The following SLC22A16 variants were observed in gnomAD, a reference collection of about 807,000 sequenced individuals.
SLC22A16 encodes the protein solute carrier family 22 member 16, also known as WUGSC:RG331P03.1.
Under a neutral mutation model 52.9 loss-of-function variants are expected in SLC22A16, and 53 were observed. The observed-to-expected ratio is 1.00, with a 90% CI of 0.80 to 1.26. The LOEUF is 1.26. Ranked by LOEUF, SLC22A16 falls within the 50% of genes most tolerant of loss-of-function variation. The pLI, the probability that SLC22A16 is intolerant of heterozygous loss-of-function variation, is 0.00. For missense variants in SLC22A16, 726 were observed against 704.0 expected (o/e 1.03, Z -0.35); for synonymous variants, 291 against 268.8 (o/e 1.08, Z -0.81).
intron 1 of SLC22A16, among the ~76,000 whole-genome samples, chr6:110,460,115 A>C (rs1053259156): frequency 6.6e-6 from 1 of 152,198 alleles, no homozygotes. Context: ...AAATTGCACC[A>C]TTGACACATG....
Position 110,456,588 on chromosome 6 carries a change from A to G in SLC22A16, c.483T>C (p.Phe161=). The stretch of plus-strand genomic sequence containing the variant: ...CCGATCCCAGTAGGACTCCAAACAT[A>G]AATAGGGGCTGGATCAGCATTGCAA... ...KWLAMLIQPL[F]MFGVLLGSVT... Residue 161 remains phenylalanine (F), a synonymous_variant, in exon 2 of 8, where the codon TTT becomes TTC. Transcript: ENST00000368919. 1 of 1,614,186 alleles carries G rather than the reference A, an allele frequency of 6.2e-7. No individual in the cohort carries two copies. Among genetic ancestry groups the G allele is most frequent in the Non-Finnish European group, 8.5e-7 (1 of 1,180,016 alleles).
chr6:110,472,969 A>G (rs1269769242), intron 1 of SLC22A16, among the ~76,000 whole-genome samples: 2 of 152,156 alleles, frequency 1.3e-5, no homozygotes, highest in Non-Finnish European at 2.9e-5. Flanking sequence ...CATGGCTAAG[A>G]GCATGGACTC....
At chr6:110,447,783 C>A (rs572382961) in intron 2 of SLC22A16, among the ~76,000 whole-genome samples, 1 of 152,310 alleles carries the variant, frequency 6.6e-6, no homozygotes, top group East Asian at 1.9e-4. Flanking sequence ...TGTCTGACTT[C>A]TTTTCCCTAG....
chr6:110,449,945 CT>C (rs1391178628), intron 2 of SLC22A16, among the ~76,000 whole-genome samples: 62 of 152,344 alleles, frequency 4.1e-4, no homozygotes, highest in African/African-American at 1.5e-3. Flanking sequence ...TTCTGCCACA[CT>C]GACTTTCCCA....
At chr6:110,454,963 A>G (rs1463692745) in intron 2 of SLC22A16, among the ~76,000 whole-genome samples, 2 of 101,288 alleles carry the variant, frequency 2.0e-5, no homozygotes, top group African/African-American at 7.7e-5. Context: ...TATATTATAT[A>G]TTACATGTAC....
rs578216800 is a variant in SLC22A16 at position 110,455,889 on chromosome 6, C to G, written c.533+649G>C. On this transcript the variant is annotated intron_variant, in intron 2 of 7. Transcript: ENST00000368919. ...CATTTATCCCATCCAAAGGATGCAGCAATAAGGCACCATCTTGAAAGCAAA... is the reference window on the plus strand; with the variant it reads ...CATTTATCCCATCCAAAGGATGCAGGAATAAGGCACCATCTTGAAAGCAAA... 8.4e-4 allele frequency: 128 copies of G among 152,480 alleles called. 2 individuals are homozygous for G. The South Asian group carries it at 0.025, about 30-fold the overall frequency. 9.4% of individuals were successfully genotyped at this position (152,480 alleles called of 1,614,324 possible).
chr6:110,431,824 C>CA (rs1218638922), intron 6 of SLC22A16, among the ~76,000 whole-genome samples: 2 of 152,082 alleles, frequency 1.3e-5, no homozygotes, highest in Admixed American at 1.3e-4. Flanking sequence ...CAATTCATGA[C>CA]AAAAAAGAGG....
At chr6:110,425,322 G>T (rs1299314751) in intron 7 of SLC22A16, 2 of 1,471,748 alleles carry the variant, frequency 1.4e-6, no homozygotes, top group East Asian at 5.9e-5. Context: ...CCACCATGGA[G>T]TGCCTCCTTA....
In SLC22A16 at chr6:110,442,257, G is replaced by A. The variant is rs758041850; in HGVS notation, c.1170C>T (p.Asn390=). 6.2e-7 allele frequency: 1 copy of A among 1,613,944 alleles called. No homozygotes were observed. The highest frequency in any genetic ancestry group is 8.5e-7 in the Non-Finnish European group (1 of 1,179,930). The change falls in exon 4 of 8, where the codon AAC becomes AAT. Residue 390 remains asparagine, a synonymous_variant. Coordinates refer to ENST00000368919, the MANE Select transcript of SLC22A16 (RefSeq NM_033125.4). Reference sequence around the variant, plus strand: ...GTAACTACTTACCCAGGAGGAAGAGGTTTAAGTATTCATTGCCTCCTAAGT... The same window carrying A: ...GTAACTACTTACCCAGGAGGAAGAGATTTAAGTATTCATTGCCTCCTAAGT... ...SVNLGGNEYL[N]LFLLGVVEIP... is the part of the protein sequence containing the mutation.
intron 6 of SLC22A16, among the ~76,000 whole-genome samples, chr6:110,435,274 A>G (rs1774677445): frequency 6.6e-6 from 1 of 152,188 alleles, no homozygotes; most frequent in Non-Finnish European, 1.5e-5. Flanking sequence ...TGTTAGGGTG[A>G]GGCCGTAATC....
chr6:110,472,288 C>T (rs1776286527), intron 1 of SLC22A16, among the ~76,000 whole-genome samples: 1 of 152,150 alleles, frequency 6.6e-6, no homozygotes, highest in Non-Finnish European at 1.5e-5. Flanking sequence ...CTGTCTGGTT[C>T]TCCCTGCCCA....
At chr6:110,448,976 C>T (rs1259981756) in intron 2 of SLC22A16, among the ~76,000 whole-genome samples, 1 of 152,092 alleles carries the variant, frequency 6.6e-6, no homozygotes, top group Non-Finnish European at 1.5e-5. Flanking sequence ...GTTTAGTCTC[C>T]TCCAACCAAA....
At position 110,424,781 on chromosome 6, in the gene SLC22A16, A is replaced by G; in HGVS notation, c.*92T>C. ...ACAAAATTTATTAAAAAGACATACA[A>G]ACAACATATGGGAGATGAGAATAAG... is the stretch of plus-strand genomic sequence containing the variant. On this transcript the variant is annotated 3_prime_UTR_variant, in exon 8 of 8. Transcript: ENST00000368919. 7.2e-7 allele frequency: 1 copy of G among 1,383,460 alleles called. No individual in the cohort carries two copies. The highest frequency in any genetic ancestry group is 9.9e-7 in the Non-Finnish European group (1 of 1,014,054). 85.7% of individuals were successfully genotyped at this position (1,383,460 alleles called of 1,614,324 possible).
At position 110,442,498 on chromosome 6, in the gene SLC22A16, A is replaced by T. The variant is rs755140484; in HGVS notation, c.929T>A (p.Ile310Asn). The T allele has an allele frequency of 3.1e-6, 5 of 1,614,084 alleles. No individual in the cohort carries two copies. Among genetic ancestry groups the T allele is most frequent in the Admixed American group, 1.7e-5 (1 of 60,008 alleles). Residue 310 changes from isoleucine to asparagine, a missense_variant, in exon 4 of 8, where the codon ATC (isoleucine) becomes AAC (asparagine). By Grantham distance (149) the Ile-to-Asn change is moderately radical. Coordinates refer to ENST00000368919, the MANE Select transcript of SLC22A16 (RefSeq NM_033125.4). ...RYEEAQKIVD[I>N]MAKWNRASSC... Reference sequence around the variant, plus strand: ...GCTTGCCCTGTTCCACTTGGCCATGATGTCAACTATTTTTTGTGCTTCTTC... The same window carrying T: ...GCTTGCCCTGTTCCACTTGGCCATGTTGTCAACTATTTTTTGTGCTTCTTC...
intron 3 of SLC22A16, 25 bp from the exon 4 acceptor site, chr6:110,442,800 A>C: frequency 6.3e-7 from 1 of 1,596,576 alleles, no homozygotes; most frequent in Non-Finnish European, 8.5e-7. Flanking sequence ...ATAGGGATTT[A>C]TATTCAAGGT....
intron 3 of SLC22A16, among the ~76,000 whole-genome samples, chr6:110,444,613 T>G (rs1477765945): frequency 6.6e-6 from 1 of 152,180 alleles, no homozygotes; most frequent in Non-Finnish European, 1.5e-5. Flanking sequence ...AATTTCTCCT[T>G]GCATTGGACA....
In SLC22A16 at chr6:110,424,943, A is replaced by C. The variant is rs79354666; in HGVS notation, c.1664T>G (p.Leu555Arg). The change falls in exon 8 of 8, where the codon CTC (leucine) becomes CGC (arginine). Residue 555 changes from leucine to arginine, a missense_variant. By Grantham distance (102) the Leu-to-Arg change is moderately radical. Coordinates refer to ENST00000368919, the MANE Select transcript of SLC22A16 (RefSeq NM_033125.4). ...ENESKSSKLLLTTNNSGLEKT... is the reference protein window; with the variant it reads ...ENESKSSKLLRTTNNSGLEKT... Reference sequence around the variant, plus strand: ...TTCCAGCCCACTATTATTAGTTGTGAGAAGTAATTTGCTTGACTTGCTTTC... The same window carrying C: ...TTCCAGCCCACTATTATTAGTTGTGCGAAGTAATTTGCTTGACTTGCTTTC... 1 of 1,614,122 alleles carries C rather than the reference A, an allele frequency of 6.2e-7. No individual in the cohort carries two copies. The highest frequency in any genetic ancestry group is 8.5e-7 in the Non-Finnish European group (1 of 1,180,028).
chr6:110,446,690 C>G (rs1468184836), intron 3 of SLC22A16, among the ~76,000 whole-genome samples, 183 bp downstream of exon 3: 2 of 152,202 alleles, frequency 1.3e-5, no homozygotes, highest in Admixed American at 1.3e-4. Context: ...AACAATTTTT[C>G]ACTTTAATGA....
At chr6:110,449,010 A>T (rs1775276900) in intron 2 of SLC22A16, among the ~76,000 whole-genome samples, 1 of 151,928 alleles carries the variant, frequency 6.6e-6, no homozygotes, top group Non-Finnish European at 1.5e-5. Context: ...TCTTGACCCC[A>T]TTGCTCCTTT....
Sources: gnomAD v4.1 joint callset for allele counts (sites outside exome capture counted in the v4.1 genomes callset) on GRCh38, gnomAD v4.1.1 for gene constraint, MANE v1.5 for transcripts, NCBI Gene and HGNC (gene_info 2026-07-23, HGNC 2026-07-21) for gene names.